CD300LB: variants seen among roughly 807,000 people sequenced by gnomAD.
CD300LB encodes CMRF35-like molecule 7.
In CD300LB, 18 loss-of-function variants were observed where a neutral mutation model predicts 20.8. That is an observed-to-expected ratio of 0.87 (90% CI 0.60 to 1.28). The LOEUF (loss-of-function observed/expected upper bound fraction) is 1.28, where lower values mean the gene tolerates loss of function less well. CD300LB is among the 50% of genes most tolerant of loss of function. CD300LB has a pLI of 0.00. For missense variants in CD300LB, 222 were observed against 251.8 expected, an observed-to-expected ratio of 0.88 and a Z score of 0.80; for synonymous variants, 91 against 91.3, an observed-to-expected ratio of 1.00 and a Z score of 0.02.
chr17:74,531,059 C>T (rs972981977), intron 1 of CD300LB, among the ~76,000 whole-genome samples: 1 of 152,210 alleles, frequency 6.6e-6, no homozygotes, highest in Non-Finnish European at 1.5e-5. Flanking sequence ...CCCACCTTGG[C>T]CTCCCAAAGT....
At chr17:74,525,606 C>CCTGT (rs967970608) in intron 2 of CD300LB, 142 bp downstream of exon 2, 130 of 734,664 alleles carry the variant, frequency 1.8e-4, no homozygotes, top group African/African-American at 1.6e-3. Context: ...AGTTTGTCTG[C>CCTGT]CTGTCTGTCT....
chr17:74,522,301 GA>G lies in CD300LB; in HGVS notation c.*436del, dbSNP rs368046419. ...AAGTCATTAAAACCCAACTTTGCTA[GA>G]AAAAAAAAAATTTAAAAACACGGAT... On this transcript the variant is annotated 3_prime_UTR_variant, in exon 4 of 4. Transcript: ENST00000392621. 6,477 of 854,936 alleles carry G rather than the reference GA, an allele frequency of 7.6e-3. 322 individuals are homozygous for G. The African/African-American group carries it at 0.1, about 14-fold the overall frequency. 53.0% of individuals were successfully genotyped at this position (854,936 alleles called of 1,614,324 possible).
chr17:74,524,444 C>G (rs1289558363), intron 2 of CD300LB, among the ~76,000 whole-genome samples: 1 of 152,034 alleles, frequency 6.6e-6, no homozygotes, highest in Non-Finnish European at 1.5e-5. Flanking sequence ...CAAAATGAAC[C>G]AGGCGTGGTC....
chr17:74,525,742 T>G lies in CD300LB; in HGVS notation c.370+6A>C, dbSNP rs1454458215. Reference sequence around the variant, plus strand: ...GGCCTCCTTGTGTAGATGAGAAAGTTCTTACCTGGGTCAACGATCACTTTC... The same window carrying G: ...GGCCTCCTTGTGTAGATGAGAAAGTGCTTACCTGGGTCAACGATCACTTTC... On this transcript the variant is annotated splice_donor_region_variant and intron_variant, in intron 2 of 3. Coordinates refer to ENST00000392621, the MANE Select transcript of CD300LB (RefSeq NM_174892.4). 1 of 1,611,816 alleles carries G rather than the reference T, an allele frequency of 6.2e-7. No homozygotes were observed. The highest frequency in any genetic ancestry group is 8.5e-7 in the Non-Finnish European group (1 of 1,178,566).
At chr17:74,525,156 A>T (rs1196359949) in intron 2 of CD300LB, among the ~76,000 whole-genome samples, 1 of 152,208 alleles carries the variant, frequency 6.6e-6, no homozygotes, top group South Asian at 2.1e-4. Flanking sequence ...AGTAGAGTCC[A>T]AGGCATGGAG....
chr17:74,521,880 T>C lies in CD300LB; in HGVS notation c.*858A>G, dbSNP rs1244511145. On this transcript the variant is annotated 3_prime_UTR_variant, in exon 4 of 4. Coordinates refer to ENST00000392621, the MANE Select transcript of CD300LB (RefSeq NM_174892.4). ...ACTTCCCTAGGACAGTTTTCATTAG[T>C]AACATGATTTCAACATCACCGAAAA... 1 of 985,336 alleles carries C rather than the reference T, an allele frequency of 1.0e-6. No individual in the cohort carries two copies. The highest frequency in any genetic ancestry group is 1.2e-6 in the Non-Finnish European group (1 of 829,914). The allele number at this position is 985,336 out of a possible 1,614,324, so 61.0% of individuals were successfully genotyped here. A position where few individuals can be genotyped will look rare whatever the true frequency, so the allele number is the denominator to read the frequency against.
intron 2 of CD300LB, among the ~76,000 whole-genome samples, chr17:74,525,397 A>AGTG (rs1907998444): frequency 6.6e-6 from 1 of 151,992 alleles, no homozygotes. Context: ...ACTCAATACT[A>AGTG]GGACCCCCTG....
rs1908210865 is a variant in CD300LB at position 74,531,374 on chromosome 17, T to A, written c.-24A>T. ...ATGGCTCTGCCTTCCCGGCTCCTCG[T>A]CCGCCTGATCTGCAACCAGTGGCAA... is the stretch of plus-strand genomic sequence containing the variant. On this transcript the variant is annotated 5_prime_UTR_variant, in exon 1 of 4. Coordinates refer to ENST00000392621, the MANE Select transcript of CD300LB (RefSeq NM_174892.4). The A allele has an allele frequency of 6.2e-7, 1 of 1,613,058 alleles. No individual in the cohort carries two copies. The highest frequency in any genetic ancestry group is 8.5e-7 in the Non-Finnish European group (1 of 1,179,514).
chr17:74,525,842 C>T lies in CD300LB; in HGVS notation c.276G>A (p.Glu92=). ...QKDRTFTVTM[E]GLRRDDADVY... ...CATCTGCGTCATCTCGCCTGAGCCC[C>T]TCCATGGTCACAGTGAACGTGCGGT... The change falls in exon 2 of 4, where the codon GAG becomes GAA. Residue 92 remains glutamate (E), a synonymous_variant. Coordinates refer to ENST00000392621, the MANE Select transcript of CD300LB (RefSeq NM_174892.4). 1 of 1,614,174 alleles carries T rather than the reference C, an allele frequency of 6.2e-7. No homozygotes were observed. Among genetic ancestry groups the T allele is most frequent in the Non-Finnish European group, 8.5e-7 (1 of 1,180,034 alleles).
At position 74,525,828 on chromosome 17, in the gene CD300LB, T is replaced by C; in HGVS notation, c.290A>G (p.Asp97Gly). 1 of 1,614,156 alleles carries C rather than the reference T, an allele frequency of 6.2e-7. No homozygotes were observed. The change falls in exon 2 of 4, where the codon GAT becomes GGT. Residue 97 changes from aspartate to glycine, a missense_variant. Physicochemically the swap from Asp to Gly is moderately conservative, Grantham distance 94. Transcript: ENST00000392621. ...CCCACACCAGTAAACATCTGCGTCA[T>C]CTCGCCTGAGCCCCTCCATGGTCAC... Reference protein sequence around the residue: ...FTVTMEGLRRDDADVYWCGIE... With the variant: ...FTVTMEGLRRGDADVYWCGIE...
chr17:74,523,701 A>C, intron 2 of CD300LB, 50 bp from the exon 3 acceptor site: 184 of 1,295,694 alleles, frequency 1.4e-4, no homozygotes, highest in Non-Finnish European at 2.0e-4. Flanking sequence ...TTGGGAGCTC[A>C]TGCATGGGTC....
intron 2 of CD300LB, among the ~76,000 whole-genome samples, chr17:74,525,135 CAG>C (rs1907991563): frequency 6.6e-6 from 1 of 152,148 alleles, no homozygotes; most frequent in Admixed American, 6.5e-5. Flanking sequence ...AGGATGACCC[CAG>C]AGTCTATCAG....
intron 1 of CD300LB, among the ~76,000 whole-genome samples, chr17:74,530,754 A>G (rs1009377246): frequency 1.3e-5 from 2 of 152,020 alleles, no homozygotes; most frequent in African/African-American, 2.4e-5. Context: ...GTGTCCTGCA[A>G]TTGCTCATTG....
chr17:74,530,734 A>G (rs1908184161), intron 1 of CD300LB, among the ~76,000 whole-genome samples: 2 of 151,924 alleles, frequency 1.3e-5, no homozygotes, highest in African/African-American at 4.8e-5. Flanking sequence ...GCCTCCACCA[A>G]TGCCTTATTG....
Position 74,531,468 on chromosome 17 carries a change from C to T in CD300LB, c.-118G>A, listed in dbSNP as rs377438838. ...GCTTGCACCTTCTGCACATCTAGAC[C>T]GCCTTTGACTTTCTTACTCATTCAC... On this transcript the variant is annotated 5_prime_UTR_variant, in exon 1 of 4. Coordinates refer to ENST00000392621, the MANE Select transcript of CD300LB (RefSeq NM_174892.4). The T allele has an allele frequency of 2.8e-5, 44 of 1,560,652 alleles. No homozygotes were observed. Among genetic ancestry groups the T allele is most frequent in the South Asian group, 1.9e-4 (16 of 84,766 alleles).
rs1218412530 is a variant in CD300LB at position 74,522,443 on chromosome 17, G to A, written c.*295C>T. 4.5e-6 allele frequency: 5 copies of A among 1,117,456 alleles called. No homozygotes were observed. Among genetic ancestry groups the A allele is most frequent in the Non-Finnish European group, 5.5e-6 (5 of 911,106 alleles). The allele number at this position is 1,117,456 out of a possible 1,614,324, so 69.2% of individuals were successfully genotyped here. A position where few individuals can be genotyped will look rare whatever the true frequency, so the allele number is the denominator to read the frequency against. ...TACTTTGGTCCCATGCTCTGTGCCC[G>A]AGTTATTCCAGCAGTGGGGACAGAG... On this transcript the variant is annotated 3_prime_UTR_variant, in exon 4 of 4. Coordinates refer to ENST00000392621, the MANE Select transcript of CD300LB (RefSeq NM_174892.4).
In CD300LB at chr17:74,521,885, T is replaced by C; in HGVS notation, c.*853A>G. 1 of 985,444 alleles carries C rather than the reference T, an allele frequency of 1.0e-6. No homozygotes were observed. The highest frequency in any genetic ancestry group is 4.7e-5 in the South Asian group (1 of 21,290). 61.0% of individuals were successfully genotyped at this position (985,444 alleles called of 1,614,324 possible). On this transcript the variant is annotated 3_prime_UTR_variant, in exon 4 of 4. Coordinates refer to ENST00000392621, the MANE Select transcript of CD300LB (RefSeq NM_174892.4). The stretch of plus-strand genomic sequence containing the variant: ...CCTAGGACAGTTTTCATTAGTAACA[T>C]GATTTCAACATCACCGAAAAGGGAG...
Position 74,522,566 on chromosome 17 carries a change from A to C in CD300LB, c.*172T>G. On this transcript the variant is annotated 3_prime_UTR_variant, in exon 4 of 4. Coordinates refer to ENST00000392621, the MANE Select transcript of CD300LB (RefSeq NM_174892.4). ...GGTGGCTCAGGAGAGGACCTGGCTA[A>C]GTCCCTGAGCTGTGCAGAACAGGGA... is the stretch of plus-strand genomic sequence containing the variant. 7.1e-7 allele frequency: 1 copy of C among 1,404,982 alleles called. No individual in the cohort carries two copies. 87.0% of individuals were successfully genotyped at this position (1,404,982 alleles called of 1,614,324 possible). A position where few individuals can be genotyped will look rare whatever the true frequency, so the allele number is the denominator to read the frequency against.
chr17:74,530,997 G>T (rs1908194548), intron 1 of CD300LB, among the ~76,000 whole-genome samples: 1 of 152,042 alleles, frequency 6.6e-6, no homozygotes, highest in Non-Finnish European at 1.5e-5. Flanking sequence ...TAGAGACGAG[G>T]TCTCACCATG....
Sources: gnomAD v4.1 joint callset for allele counts (sites outside exome capture counted in the v4.1 genomes callset) on GRCh38, gnomAD v4.1.1 for gene constraint, MANE v1.5 for transcripts, NCBI Gene and HGNC (gene_info 2026-07-23, HGNC 2026-07-21) for gene names.